The following CREB5 variants were observed in gnomAD, a reference collection of about 807,000 sequenced individuals.
CREB5 encodes cyclic AMP-responsive element-binding protein 5.
CREB5 carries 19 observed loss-of-function variants against 57.1 expected under a neutral mutation model. The observed-to-expected ratio is 0.33, with a 90% confidence interval of 0.23 to 0.49. CREB5 has a LOEUF of 0.49. Among genes scored for constraint, CREB5 ranks in the 20% least tolerant of loss-of-function variants. CREB5 has a pLI of 0.99. For missense variants in CREB5, 579 were observed against 671.6 expected (o/e 0.86, Z 1.52); for synonymous variants, 238 against 238.3 (o/e 1.00, Z 0.01).
At chr7:28,667,032 C>T (rs901812600) in intron 5 of CREB5, among the ~76,000 whole-genome samples, 2 of 151,826 alleles carry the variant, frequency 1.3e-5, no homozygotes, top group African/African-American at 2.4e-5. Flanking sequence ...AGGTCACCAG[C>T]GACAAGACTT....
chr7:28,614,378 T>C (rs971351946), intron 5 of CREB5, among the ~76,000 whole-genome samples: 1 of 152,246 alleles, frequency 6.6e-6, no homozygotes, highest in African/African-American at 2.4e-5. Context: ...CAGAATGTCC[T>C]ATAAATAGTT....
intron 1 of CREB5, among the ~76,000 whole-genome samples, chr7:28,340,186 C>T (rs892360247): frequency 6.6e-6 from 1 of 152,154 alleles, no homozygotes; most frequent in Non-Finnish European, 1.5e-5. Context: ...ACACTTTACC[C>T]TGCTTTTCTC....
chr7:28,313,925 T>C (rs534052216), intron 1 of CREB5, among the ~76,000 whole-genome samples: 1 of 152,316 alleles, frequency 6.6e-6, no homozygotes, highest in South Asian at 2.1e-4. Context: ...TGCAAAAATA[T>C]ATAATTTTAA....
chr7:28,349,064 G>A (rs890334863), intron 1 of CREB5, among the ~76,000 whole-genome samples: 6 of 152,132 alleles, frequency 3.9e-5, no homozygotes, highest in South Asian at 2.1e-4. Context: ...GGGCCTTGTC[G>A]GTTTATTGTC....
intron 1 of CREB5, among the ~76,000 whole-genome samples, chr7:28,417,061 C>T (rs892502945): frequency 2.0e-5 from 3 of 152,168 alleles, no homozygotes; most frequent in African/African-American, 4.8e-5. Flanking sequence ...GGAGGAGGGA[C>T]GCAATTCCCA....
intron 5 of CREB5, among the ~76,000 whole-genome samples, chr7:28,717,582 T>C (rs1031679679): frequency 1.3e-5 from 2 of 152,206 alleles, no homozygotes; most frequent in Non-Finnish European, 1.5e-5. Context: ...TAGACAGGGC[T>C]GTCTTCTCAA....
chr7:28,480,813 G>T (rs905845982), intron 1 of CREB5, among the ~76,000 whole-genome samples: 12 of 152,164 alleles, frequency 7.9e-5, no homozygotes, highest in Non-Finnish European at 1.5e-4. Context: ...ACTCAACATT[G>T]CACCTCTCAT....
rs1554291839 is a variant in CREB5 at position 28,725,645 on chromosome 7, T to TTA, written c.702+1313_702+1314insTA. On this transcript the variant is annotated intron_variant, in intron 7 of 10. Coordinates refer to ENST00000357727, the MANE Select transcript of CREB5 (RefSeq NM_182898.4). ...CAAAGTAATGCCATATATCTTTTTT[T>TTA]AAAAAAAAAAAAAAAAAGAAAGAAA... Among the ~76,000 whole-genome samples the TTA allele has an allele frequency of 2.5e-3, 286 of 112,400 alleles. 1 individual carries two copies. The highest frequency in any genetic ancestry group is 7.6e-3 in the African/African-American group (262 of 34,286). The allele number at this position is 112,400 out of a possible 152,430, so 73.7% of individuals were successfully genotyped here. A position where few individuals can be genotyped will look rare whatever the true frequency, so the allele number is the denominator to read the frequency against.
At chr7:28,493,082 A>G (rs1022574066) in intron 2 of CREB5, among the ~76,000 whole-genome samples, 1 of 152,252 alleles carries the variant, frequency 6.6e-6, no homozygotes, top group African/African-American at 2.4e-5. Flanking sequence ...AGCTACTTTT[A>G]GAATATTTTG....
At chr7:28,466,734 C>A (rs144102387) in intron 1 of CREB5, among the ~76,000 whole-genome samples, 1 of 152,128 alleles carries the variant, frequency 6.6e-6, no homozygotes, top group Non-Finnish European at 1.5e-5. Flanking sequence ...GACATCTCTC[C>A]GGTGTGTTGA....
At chr7:28,607,908 G>A (rs1797211323) in intron 5 of CREB5, among the ~76,000 whole-genome samples, 1 of 151,960 alleles carries the variant, frequency 6.6e-6, no homozygotes, top group South Asian at 2.1e-4. Flanking sequence ...TCCTCCCTCT[G>A]GCTTTCTCTG....
At chr7:28,317,718 A>G (rs17636103) in intron 1 of CREB5, among the ~76,000 whole-genome samples, 9,897 of 152,318 alleles carry the variant, frequency 0.065, 411 homozygotes, top group Middle Eastern at 0.11. Flanking sequence ...TGCACTGCAC[A>G]TTGGTAAACA....
At chr7:28,528,620 C>T (rs1235703924) in intron 4 of CREB5, among the ~76,000 whole-genome samples, 3 of 145,596 alleles carry the variant, frequency 2.1e-5, no homozygotes, top group Non-Finnish European at 4.5e-5. Flanking sequence ...AGGAGAATCA[C>T]TTGAACCCAG....
At chr7:28,402,956 C>T (rs879723622) in intron 1 of CREB5, among the ~76,000 whole-genome samples, 4 of 152,134 alleles carry the variant, frequency 2.6e-5, no homozygotes, top group Admixed American at 2.0e-4. Context: ...AAAGTTGATA[C>T]GCACCTGCAC....
intron 1 of CREB5, among the ~76,000 whole-genome samples, chr7:28,445,066 G>C (rs910976662): frequency 6.6e-6 from 1 of 152,206 alleles, no homozygotes; most frequent in Non-Finnish European, 1.5e-5. Flanking sequence ...TTGTGATAGT[G>C]AATAAGTCTC....
chr7:28,372,405 C>G (rs1363833042), intron 1 of CREB5, among the ~76,000 whole-genome samples: 1 of 152,006 alleles, frequency 6.6e-6, no homozygotes, highest in Non-Finnish European at 1.5e-5. Context: ...ACAAAGAGTC[C>G]AAAATAGACC....
intron 5 of CREB5, among the ~76,000 whole-genome samples, chr7:28,583,423 G>A (rs1293591125): frequency 6.6e-6 from 1 of 152,148 alleles, no homozygotes; most frequent in African/African-American, 2.4e-5. Context: ...ATAACTTCTA[G>A]TATTTGGATG....
At chr7:28,702,774 G>A (rs747673522) in intron 5 of CREB5, among the ~76,000 whole-genome samples, 1 of 152,206 alleles carries the variant, frequency 6.6e-6, no homozygotes, top group Non-Finnish European at 1.5e-5. Context: ...CTTTAACTTT[G>A]TGGTTGCTAG....
At chr7:28,484,303 T>C (rs898381301) in intron 1 of CREB5, among the ~76,000 whole-genome samples, 5 of 152,124 alleles carry the variant, frequency 3.3e-5, no homozygotes, top group Admixed American at 2.0e-4. Context: ...AAAAGAACCA[T>C]AATAATAGAC....
Sources: allele counts gnomAD v4.1 joint callset (sites outside exome capture counted in the v4.1 genomes callset), GRCh38; gene constraint gnomAD v4.1.1; transcripts MANE v1.5; gene names NCBI Gene and HGNC (gene_info 2026-07-23, HGNC 2026-07-21).